The following DNMT3A variants were observed in gnomAD, a reference collection of about 807,000 sequenced individuals.
DNMT3A encodes the protein DNA methyltransferase 3 alpha, also known as DNA (cytosine-5)-methyltransferase 3A.
Under a neutral mutation model 117.6 loss-of-function variants are expected in DNMT3A, and 267 were observed. The ratio of observed to expected loss-of-function variants is 2.27; its 90% CI spans 2.05 to 2.51. DNMT3A has a LOEUF of 2.51. Among genes scored for constraint, DNMT3A ranks in the 30% most tolerant of loss-of-function variants. DNMT3A has a pLI of 0.00. For synonymous variants in DNMT3A, 432 were observed against 474.8 expected (o/e 0.91, Z 1.17); for missense variants, 1,029 against 1,260.2 (o/e 0.82, Z 2.78).
chr2:25,252,082 GCCGGGGAGGCATACTTCACTCTTTT>G lies in DNMT3A; in HGVS notation c.640-3855_640-3831del, dbSNP rs1675634854. 1.5e-6 allele frequency: 2 copies of G among 1,366,386 alleles called. No homozygotes were observed. The highest frequency in any genetic ancestry group is 3.0e-5 in the African/African-American group (2 of 67,224). 84.6% of individuals were successfully genotyped at this position (1,366,386 alleles called of 1,614,324 possible). The stretch of plus-strand genomic sequence containing the variant: ...GGCCGGGACGCCGCGGCTGCTGCGG[GCCGGGGAGGCATACTTCACTCTTTT>G]CAAACCCGGAGGGCTGCGGAGATCC... On this transcript the variant is annotated intron_variant, in intron 6 of 22. Coordinates refer to ENST00000321117, the MANE Select transcript of DNMT3A (RefSeq NM_022552.5). This position sits in a 1 kb window ranked among gnomAD's most constrained non-coding sequence, Gnocchi z 5.5.
At position 25,228,953 on chromosome 2, in the gene DNMT3A, G is replaced by A. The variant is rs908279137; in HGVS notation, c.*5326C>T. The A allele has an allele frequency of 2.0e-5, 3 of 152,184 alleles. No homozygotes were observed. The highest frequency in any genetic ancestry group is 2.9e-5 in the Non-Finnish European group (2 of 68,040). The allele number at this position is 152,184 out of a possible 1,614,324, so 9.4% of individuals were successfully genotyped here. A position where few individuals can be genotyped will look rare whatever the true frequency, so the allele number is the denominator to read the frequency against. On this transcript the variant is annotated 3_prime_UTR_variant, in exon 23 of 23. Transcript: ENST00000321117. Reference sequence around the variant, plus strand: ...CTGAGCCAGGGAGCTTTCCAGTTACGGGAGTTTCGGGAGTCCCAGGCCCTC... The same window carrying A: ...CTGAGCCAGGGAGCTTTCCAGTTACAGGAGTTTCGGGAGTCCCAGGCCCTC...
At position 25,233,276 on chromosome 2, in the gene DNMT3A, G is replaced by A. The variant is rs536862337; in HGVS notation, c.*1003C>T. ...CTCCCAAGTTCTCCTCCTTCACTTC[G>A]TTACAAACCAAGGGGAAGAGCCCAC... is the stretch of plus-strand genomic sequence containing the variant. On this transcript the variant is annotated 3_prime_UTR_variant, in exon 23 of 23. Coordinates refer to ENST00000321117, the MANE Select transcript of DNMT3A (RefSeq NM_022552.5). 2.7e-4 allele frequency: 64 copies of A among 233,540 alleles called. No homozygotes were observed. The highest frequency in any genetic ancestry group is 4.5e-4 in the Admixed American group (8 of 17,772). 14.5% of individuals were successfully genotyped at this position (233,540 alleles called of 1,614,324 possible). A position where few individuals can be genotyped will look rare whatever the true frequency, so the allele number is the denominator to read the frequency against.
intron 10 of DNMT3A, 85 bp downstream of exon 10, chr2:25,246,535 G>GC: frequency 6.5e-7 from 1 of 1,533,590 alleles, no homozygotes; most frequent in South Asian, 1.3e-5. Flanking sequence ...GGCCTTGGCA[G>GC]CCCTCCCTAA....
rs1428104768 is a variant in DNMT3A, at chr2:25,229,968, G to C, written c.*4311C>G. The C allele has an allele frequency of 6.6e-6, 1 of 152,264 alleles. No homozygotes were observed. Among genetic ancestry groups the C allele is most frequent in the Non-Finnish European group, 1.5e-5 (1 of 68,084 alleles). The allele number at this position is 152,264 out of a possible 1,614,324, so 9.4% of individuals were successfully genotyped here. A position where few individuals can be genotyped will look rare whatever the true frequency, so the allele number is the denominator to read the frequency against. ...CGGGAAGCAAGGGGAGCTGGGCCCTGTGAGACCCCTTTGGTGTCAGCCTTC... is the reference window on the plus strand; with the variant it reads ...CGGGAAGCAAGGGGAGCTGGGCCCTCTGAGACCCCTTTGGTGTCAGCCTTC... On this transcript the variant is annotated 3_prime_UTR_variant, in exon 23 of 23. Coordinates refer to ENST00000321117, the MANE Select transcript of DNMT3A (RefSeq NM_022552.5).
chr2:25,298,416 T>G lies in DNMT3A; in HGVS notation c.177+1723A>C, dbSNP rs2033224270. Among the ~76,000 whole-genome samples, 1 of 152,234 alleles carries G rather than the reference T, an allele frequency of 6.6e-6. No individual in the cohort carries two copies. The highest frequency in any genetic ancestry group is 2.4e-5 in the African/African-American group (1 of 41,462). ...ACCTCTCAGCGATGTGGCTACCCTC[T>G]GATTCCAGAGACTCACAAAGATGAG... On this transcript the variant is annotated intron_variant, in intron 3 of 22. Transcript: ENST00000321117. This position sits in a 1 kb window ranked among gnomAD's most constrained non-coding sequence, Gnocchi z 4.3.
At chr2:25,245,969 T>C in intron 12 of DNMT3A, 51 bp downstream of exon 12, 1 of 1,612,694 alleles carries the variant, frequency 6.2e-7, no homozygotes, top group Non-Finnish European at 8.5e-7. Flanking sequence ...CCTCTGCTAC[T>C]CTGCCCCATG....
In DNMT3A at chr2:25,237,697, G is replaced by A. The variant is rs1445475279; in HGVS notation, c.2409-692C>T. Among the ~76,000 whole-genome samples, 3 of 151,924 alleles carry A rather than the reference G, an allele frequency of 2.0e-5. No homozygotes were observed. The highest frequency in any genetic ancestry group is 4.8e-5 in the African/African-American group (2 of 41,350). ...GGAGAATCGCTTGAACCTGGGAGGC[G>A]GAGGCTGCAGTGAGCCAGGATGGCA... On this transcript the variant is annotated intron_variant, in intron 20 of 22. Transcript: ENST00000321117. This position sits in a 1 kb window ranked among gnomAD's most constrained non-coding sequence, Gnocchi z 5.4.
chr2:25,315,752 A>G (rs1380506871), intron 1 of DNMT3A, among the ~76,000 whole-genome samples: 1 of 152,176 alleles, frequency 6.6e-6, no homozygotes, highest in Non-Finnish European at 1.5e-5. Context: ...CACACCACAG[A>G]AGCAACTCTG....
At chr2:25,336,225 T>C (rs1167877749) in intron 1 of DNMT3A, among the ~76,000 whole-genome samples, 2 of 152,218 alleles carry the variant, frequency 1.3e-5, no homozygotes, top group Non-Finnish European at 2.9e-5. Context: ...GTGGCTCGGT[T>C]CTGCCCAGCG....
chr2:25,325,400 T>C (rs1162600521), intron 1 of DNMT3A, among the ~76,000 whole-genome samples: 1 of 152,186 alleles, frequency 6.6e-6, no homozygotes, highest in Non-Finnish European at 1.5e-5. Context: ...GTGACCAGCA[T>C]GGGTCTGATT....
At chr2:25,340,722 G>A (rs1265563778) in intron 1 of DNMT3A, among the ~76,000 whole-genome samples, 1 of 151,870 alleles carries the variant, frequency 6.6e-6, no homozygotes, top group African/African-American at 2.4e-5. Context: ...GGCCCGGCGG[G>A]GTGCGTGTGC....
intron 1 of DNMT3A, among the ~76,000 whole-genome samples, chr2:25,315,572 C>T (rs1449199670): frequency 1.3e-5 from 2 of 152,200 alleles, no homozygotes; most frequent in African/African-American, 2.4e-5. Context: ...GCAGCTCCAT[C>T]GGCCACATGC....
chr2:25,280,137 C>A (rs1253786632), intron 4 of DNMT3A, among the ~76,000 whole-genome samples: 1 of 152,122 alleles, frequency 6.6e-6, no homozygotes, highest in Non-Finnish European at 1.5e-5. Context: ...CTCTCATGTT[C>A]CTGGCATTTG....
chr2:25,294,985 G>T lies in DNMT3A; in HGVS notation c.177+5154C>A, dbSNP rs763524370. On this transcript the variant is annotated intron_variant, in intron 3 of 22. Transcript: ENST00000321117. This position sits in a 1 kb window ranked among gnomAD's most constrained non-coding sequence, Gnocchi z 4.7. Reference sequence around the variant, plus strand: ...TGGAGGAAGTTGGTGGGTATAAATCGTCAATGAATAAATACGCATCGCTAG... The same window carrying T: ...TGGAGGAAGTTGGTGGGTATAAATCTTCAATGAATAAATACGCATCGCTAG... Among the ~76,000 whole-genome samples the T allele has an allele frequency of 1.5e-4, 23 of 152,136 alleles. No homozygotes were observed. Among genetic ancestry groups the T allele is most frequent in the Non-Finnish European group, 3.1e-4 (21 of 68,028 alleles).
At position 25,271,414 on chromosome 2, in the gene DNMT3A, G is replaced by A. The variant is rs149380029; in HGVS notation, c.639+3527C>T. On this transcript the variant is annotated intron_variant, in intron 6 of 22. Coordinates refer to ENST00000321117, the MANE Select transcript of DNMT3A (RefSeq NM_022552.5). ...AGCTACTACTCTTGAGTCTGAGGGC[G>A]ACTTGGGAATCTTGAAAGCTACCTG... 2.6e-3 allele frequency among the ~76,000 whole-genome samples: 400 copies of A among 152,346 alleles called. 1 individual carries two copies. The highest frequency in any genetic ancestry group is 9.0e-3 in the African/African-American group (376 of 41,578).
rs2033667851 is a variant in DNMT3A, at chr2:25,304,182, A to G, written c.73-3939T>C. Among the ~76,000 whole-genome samples the G allele has an allele frequency of 6.6e-6, 1 of 152,162 alleles. No individual in the cohort carries two copies. The highest frequency in any genetic ancestry group is 2.1e-4 in the South Asian group (1 of 4,822). Reference sequence around the variant, plus strand: ...GCAGAGGGGAGGGGGTGGAAATTCCAGACACGTAGGCTTTGGAGAGGGCAG... The same window carrying G: ...GCAGAGGGGAGGGGGTGGAAATTCCGGACACGTAGGCTTTGGAGAGGGCAG... On this transcript the variant is annotated intron_variant, in intron 2 of 22. Coordinates refer to ENST00000321117, the MANE Select transcript of DNMT3A (RefSeq NM_022552.5). This position sits in a 1 kb window ranked among gnomAD's most constrained non-coding sequence, Gnocchi z 4.3.
At chr2:25,291,070 C>A (rs1253212526) in intron 3 of DNMT3A, among the ~76,000 whole-genome samples, 1 of 152,202 alleles carries the variant, frequency 6.6e-6, no homozygotes, top group Non-Finnish European at 1.5e-5. Context: ...CCTGCAGACA[C>A]CCACTGCCAG....
At chr2:25,240,157 A>T in intron 19 of DNMT3A, 145 bp downstream of exon 19, 1 of 1,198,018 alleles carries the variant, frequency 8.3e-7, no homozygotes, top group Non-Finnish European at 1.2e-6. Context: ...CTTTCTATCC[A>T]GGAAGCCTGG....
At chr2:25,300,043 C>A in intron 3 of DNMT3A, 96 bp downstream of exon 3, 1 of 1,341,550 alleles carries the variant, frequency 7.5e-7, no homozygotes, top group Non-Finnish European at 1.0e-6. Context: ...TTAAATGTCT[C>A]CAGGTCCCTG....
Sources: gnomAD v4.1 joint callset for allele counts (sites outside exome capture counted in the v4.1 genomes callset) on GRCh38, gnomAD v4.1.1 for gene constraint, Gnocchi (gnomAD v3.1) non-coding constraint, MANE v1.5 for transcripts, NCBI Gene and HGNC (gene_info 2026-07-23, HGNC 2026-07-21) for gene names.